NPAS3: variants seen among roughly 807,000 people sequenced by gnomAD.
The protein encoded by NPAS3 is neuronal PAS domain protein 3, also known as neuronal PAS domain-containing protein 3.
Under a neutral mutation model 73.1 loss-of-function variants are expected in NPAS3, and 14 were observed. The observed-to-expected ratio is 0.19, with a 90% confidence interval of 0.13 to 0.30. The LOEUF (loss-of-function observed/expected upper bound fraction) is 0.30, where lower values mean the gene tolerates loss of function less well. Ranked by LOEUF, NPAS3 falls within the 10% of genes least tolerant of loss-of-function variation. The pLI is 1.00. For missense variants in NPAS3, 1,096 were observed against 1,250.0 expected (o/e 0.88, Z 1.86); for synonymous variants, 620 against 541.5 (o/e 1.14, Z -2.01).
intron 4 of NPAS3, among the ~76,000 whole-genome samples, chr14:33,539,747 T>C (rs2054423927): frequency 6.6e-6 from 1 of 152,138 alleles, no homozygotes. Context: ...ATTGTTAACA[T>C]TCTCTGTGGG....
intron 2 of NPAS3, among the ~76,000 whole-genome samples, chr14:33,061,578 G>A (rs1284357719): frequency 6.6e-6 from 1 of 152,184 alleles, no homozygotes; most frequent in African/African-American, 2.4e-5. Context: ...ACTTGAAGTA[G>A]CATATGTTGG....
At chr14:32,967,157 C>T (rs565385936) in intron 1 of NPAS3, among the ~76,000 whole-genome samples, 3 of 152,224 alleles carry the variant, frequency 2.0e-5, no homozygotes, top group African/African-American at 7.2e-5. Context: ...TCTTTCTCTT[C>T]CTCCTCAGCC....
At chr14:33,402,309 C>G (rs1594841445) in intron 4 of NPAS3, among the ~76,000 whole-genome samples, 1 of 152,208 alleles carries the variant, frequency 6.6e-6, no homozygotes, top group African/African-American at 2.4e-5. Flanking sequence ...TAAATTGATA[C>G]TTTTCCTCAA....
chr14:33,636,185 G>C (rs947233440), intron 5 of NPAS3, among the ~76,000 whole-genome samples: 2 of 152,240 alleles, frequency 1.3e-5, no homozygotes, highest in Non-Finnish European at 2.9e-5. Flanking sequence ...CTCCCAAAGT[G>C]CTGGGATTAC....
intron 1 of NPAS3, among the ~76,000 whole-genome samples, chr14:33,010,194 G>A (rs1366369660): frequency 1.3e-5 from 2 of 152,200 alleles, no homozygotes; most frequent in African/African-American, 2.4e-5. Context: ...AACTCTGGAT[G>A]AAGGAGATGT....
At chr14:33,583,486 G>A (rs1406691187) in intron 5 of NPAS3, 1 of 152,068 alleles carries the variant, frequency 6.6e-6, no homozygotes, top group Non-Finnish European at 1.5e-5. Context: ...TTCAGTAAAC[G>A]ATATATGTAA....
chr14:33,362,672 T>A lies in NPAS3; in HGVS notation c.386-4514T>A, dbSNP rs1267326439. ...TTAGATGGAGGATTCAGAGGGGAGC[T>A]ATCAGGGGTTACCGGGCATGAAGCC... is the stretch of plus-strand genomic sequence containing the variant. On this transcript the variant is annotated intron_variant, in intron 3 of 11. Transcript: ENST00000356141. Among the ~76,000 whole-genome samples the A allele has an allele frequency of 2.6e-5, 4 of 152,020 alleles. No individual in the cohort carries two copies. In the East Asian group the frequency reaches 7.7e-4, roughly 29 times the overall value.
At chr14:33,726,824 T>C (rs927897217) in intron 6 of NPAS3, among the ~76,000 whole-genome samples, 7 of 152,154 alleles carry the variant, frequency 4.6e-5, no homozygotes, top group Admixed American at 4.6e-4. Flanking sequence ...GGTCATGTGC[T>C]GAGTGAGGGC....
rs1385909996 is a variant in NPAS3, at chr14:33,236,388, T to C, written c.385+20962T>C. Among the ~76,000 whole-genome samples, 7 of 152,244 alleles carry C rather than the reference T, an allele frequency of 4.6e-5. No homozygotes were observed. The East Asian group carries it at 7.7e-4, about 17-fold the overall frequency. On this transcript the variant is annotated intron_variant, in intron 3 of 11. Transcript: ENST00000356141. Reference sequence around the variant, plus strand: ...TTTCTTTTACCTCACTGTAATTTTATTTCTTAATTTAGAATTGAAAGTATA... The same window carrying C: ...TTTCTTTTACCTCACTGTAATTTTACTTCTTAATTTAGAATTGAAAGTATA...
At chr14:33,076,428 TGTTAACGATA>T (rs779261224) in intron 2 of NPAS3, among the ~76,000 whole-genome samples, 7 of 152,246 alleles carry the variant, frequency 4.6e-5, no homozygotes, top group Non-Finnish European at 7.3e-5. Flanking sequence ...TTATGGTATT[TGTTAACGATA>T]TTTACCTTCC....
At chr14:33,711,610 A>G (rs1023110995) in intron 6 of NPAS3, among the ~76,000 whole-genome samples, 5 of 152,314 alleles carry the variant, frequency 3.3e-5, no homozygotes, top group East Asian at 1.9e-4. Context: ...TTGATTTACT[A>G]TAATGACAGG....
At chr14:33,606,198 A>C (rs914359729) in intron 5 of NPAS3, among the ~76,000 whole-genome samples, 1 of 149,066 alleles carries the variant, frequency 6.7e-6, no homozygotes, top group Non-Finnish European at 1.5e-5. Flanking sequence ...CATTAGGTAT[A>C]TCTCCTAAAG....
At chr14:33,070,839 A>G (rs1025910279) in intron 2 of NPAS3, among the ~76,000 whole-genome samples, 6 of 152,194 alleles carry the variant, frequency 3.9e-5, no homozygotes, top group African/African-American at 1.4e-4. Context: ...TGCTTGAGGG[A>G]CTTTGTGCGA....
At chr14:33,232,467 T>G (rs1020637496) in intron 3 of NPAS3, among the ~76,000 whole-genome samples, 1 of 152,224 alleles carries the variant, frequency 6.6e-6, no homozygotes, top group Admixed American at 6.5e-5. Context: ...AACAGTGAGA[T>G]GACTTGCGCA....
At chr14:33,386,379 A>G (rs1028255223) in intron 4 of NPAS3, among the ~76,000 whole-genome samples, 1 of 152,152 alleles carries the variant, frequency 6.6e-6, no homozygotes. Flanking sequence ...CTTTCATTCC[A>G]CAGAATCCTT....
intron 2 of NPAS3, among the ~76,000 whole-genome samples, chr14:33,095,986 T>C (rs915451724): frequency 1.3e-5 from 2 of 150,992 alleles, no homozygotes; most frequent in Admixed American, 1.3e-4. Context: ...TGGCCGGTCA[T>C]TCTCTGTTTT....
chr14:33,643,375 T>TAAAAAAAAAAAAAA (rs755879056), intron 5 of NPAS3, among the ~76,000 whole-genome samples: 1 of 94,666 alleles, frequency 1.1e-5, no homozygotes, highest in Admixed American at 1.2e-4. Context: ...AAATAAAAAT[T>TAAAAAAAAAAAAAA]AAAAAAAAAA....
At chr14:33,287,558 A>T (rs534264373) in intron 3 of NPAS3, among the ~76,000 whole-genome samples, 4 of 152,072 alleles carry the variant, frequency 2.6e-5, no homozygotes, top group Non-Finnish European at 5.9e-5. Flanking sequence ...ATTTCTTCCA[A>T]GTTAAATTAC....
intron 2 of NPAS3, among the ~76,000 whole-genome samples, chr14:33,143,987 T>C (rs2044151303): frequency 6.6e-6 from 1 of 152,220 alleles, no homozygotes; most frequent in South Asian, 2.1e-4. Context: ...TGTTTTCCTC[T>C]TTTGACTATT....
Sources: gnomAD v4.1 joint callset for allele counts (sites outside exome capture counted in the v4.1 genomes callset) on GRCh38, gnomAD v4.1.1 for gene constraint, MANE v1.5 for transcripts, NCBI Gene and HGNC (gene_info 2026-07-23, HGNC 2026-07-21) for gene names.